The following LEO1 variants were observed in gnomAD, a reference collection of about 807,000 sequenced individuals.
LEO1 encodes RNA polymerase-associated protein LEO1.
A neutral mutation model predicts 80.4 loss-of-function variants in LEO1; 34 were observed. That is an observed-to-expected ratio of 0.42 (90% CI 0.32 to 0.56). The LOEUF is 0.56. Among genes scored for constraint, LEO1 ranks in the 20% least tolerant of loss-of-function variants. LEO1 has a pLI of 0.10. For missense variants in LEO1, 631 were observed against 814.2 expected (o/e 0.77, Z 2.74); for synonymous variants, 262 against 274.9 (o/e 0.95, Z 0.46).
At chr15:51,944,406 C>CT (rs1426451141) in intron 11 of LEO1, among the ~76,000 whole-genome samples, 4 of 152,012 alleles carry the variant, frequency 2.6e-5, no homozygotes, top group African/African-American at 9.7e-5. Flanking sequence ...TGCACAACCA[C>CT]TGAAAATGTT....
rs200556754 is a variant in LEO1, at chr15:51,965,808, T to C, written c.755A>G (p.Gln252Arg). The change falls in exon 2 of 12, where the codon CAG (glutamine) becomes CGG (arginine). Residue 252 changes from glutamine to arginine, a missense_variant. Gln to Arg is a conservative substitution (Grantham distance 43). This residue lies in a region of LEO1 where 394 missense variants were observed against 395.6 expected (regional missense o/e 1.00). Coordinates refer to ENST00000299601, the MANE Select transcript of LEO1 (RefSeq NM_138792.4). ...ATGCCTGTGTTCTTCATCTGAGGCC[T>C]GTGGCCTTTCATCATCAGAATTTTG... ...KMQNSDDERP[Q>R]ASDEEHRHSD... 57 of 1,613,854 alleles carry C rather than the reference T, an allele frequency of 3.5e-5. No individual in the cohort carries two copies. Among genetic ancestry groups the C allele is most frequent in the Non-Finnish European group, 8.5e-7 (1 of 1,179,942 alleles).
At chr15:51,948,288 G>A (rs1292445227) in intron 10 of LEO1, among the ~76,000 whole-genome samples, 3 of 152,212 alleles carry the variant, frequency 2.0e-5, no homozygotes, top group African/African-American at 7.2e-5. Flanking sequence ...CTAGACTCAT[G>A]TGCTAGATTT....
Position 51,965,769 on chromosome 15 carries a change from T to C in LEO1, c.794A>G (p.Glu265Gly). The C allele has an allele frequency of 6.2e-7, 1 of 1,609,456 alleles. No homozygotes were observed. Reference sequence around the variant, plus strand: ...ATTACCTGATTTATGATCCTGTTCCTCTTCATCATCTGAATGCCTGTGTTC... The same window carrying C: ...ATTACCTGATTTATGATCCTGTTCCCCTTCATCATCTGAATGCCTGTGTTC... ...DEEHRHSDDE[E>G]EQDHKSESAR... is the part of the protein sequence containing the mutation. The change falls in exon 2 of 12, where the codon GAG becomes GGG. Residue 265 changes from glutamate to glycine, a missense_variant. Transcript: ENST00000299601.
intron 2 of LEO1, among the ~76,000 whole-genome samples, chr15:51,963,298 C>G (rs2057046042): frequency 6.6e-6 from 1 of 151,528 alleles, no homozygotes; most frequent in Admixed American, 6.6e-5. Context: ...ACTGGCTTTG[C>G]AAGTACAAAA....
intron 1 of LEO1, among the ~76,000 whole-genome samples, chr15:51,971,244 C>A (rs773050412): frequency 3.3e-5 from 5 of 152,216 alleles, no homozygotes; most frequent in Non-Finnish European, 5.9e-5. Context: ...TCACACCATG[C>A]TCTGGTTTCA....
At chr15:51,941,948 C>T (rs1253911995) in intron 11 of LEO1, among the ~76,000 whole-genome samples, 4 of 152,224 alleles carry the variant, frequency 2.6e-5, no homozygotes, top group African/African-American at 4.8e-5. Context: ...GCACCAAAAT[C>T]GATGCAGTTC....
rs2056955245 is a variant in LEO1, at chr15:51,952,227, T to A, written c.1476-248A>T. The A allele has an allele frequency of 1.1e-5, 4 of 348,802 alleles. No individual in the cohort carries two copies. The East Asian group carries it at 2.0e-4, about 17-fold the overall frequency. 21.6% of individuals were successfully genotyped at this position (348,802 alleles called of 1,614,324 possible). ...GAGTAAAAAAGATTGTATGGCATGATCACCTTCTAGAAGCAATAAATGGAT... is the reference window on the plus strand; with the variant it reads ...GAGTAAAAAAGATTGTATGGCATGAACACCTTCTAGAAGCAATAAATGGAT... On this transcript the variant is annotated intron_variant, in intron 8 of 11. Transcript: ENST00000299601.
chr15:51,943,873 A>C (rs1421165029), intron 11 of LEO1, among the ~76,000 whole-genome samples: 1 of 152,108 alleles, frequency 6.6e-6, no homozygotes, highest in African/African-American at 2.4e-5. Context: ...GTAGATTTGA[A>C]CTAGGATCAG....
At position 51,967,388 on chromosome 15, in the gene LEO1, G is replaced by A. The variant is rs548002020; in HGVS notation, c.59-884C>T. Among the ~76,000 whole-genome samples, 7 of 152,304 alleles carry A rather than the reference G, an allele frequency of 4.6e-5. No homozygotes were observed. The South Asian group carries it at 6.2e-4, about 14-fold the overall frequency. ...CTTGAGAGGCTGAAACAGGAAAATC[G>A]CTTGGATCCAGGAGGTGGAGGTTGC... On this transcript the variant is annotated intron_variant, in intron 1 of 11. Coordinates refer to ENST00000299601, the MANE Select transcript of LEO1 (RefSeq NM_138792.4).
chr15:51,964,317 G>A (rs939225184), intron 2 of LEO1, among the ~76,000 whole-genome samples: 10 of 151,878 alleles, frequency 6.6e-5, no homozygotes, highest in Non-Finnish European at 1.3e-4. Context: ...ACCAAACACC[G>A]CATGTTCTCA....
At chr15:51,969,105 CGCCACCACACCTG>C (rs2057101835) in intron 1 of LEO1, among the ~76,000 whole-genome samples, 1 of 151,880 alleles carries the variant, frequency 6.6e-6, no homozygotes, top group African/African-American at 2.4e-5. Flanking sequence ...TATGGGCGCA[CGCCACCACACCTG>C]GCTAATTTTT....
chr15:51,947,323 A>G lies in LEO1; in HGVS notation c.1865T>C (p.Leu622Ser), dbSNP rs2056910518. ...EGSEEDKAQR[L>S]LKAKKLTSDE... The stretch of plus-strand genomic sequence containing the variant: ...ACTGGTAAGTTTCTTTGCTTTGAGT[A>G]ATCTTTGAGCTTTATCTTCTTCTGA... Residue 622 changes from leucine to serine, a missense_variant, in exon 11 of 12, where the codon TTA becomes TCA. Transcript: ENST00000299601. 1 of 1,613,466 alleles carries G rather than the reference A, an allele frequency of 6.2e-7. No individual in the cohort carries two copies. Among genetic ancestry groups the G allele is most frequent in the South Asian group, 1.1e-5 (1 of 91,076 alleles).
At chr15:51,947,437 A>C (rs377172544) in intron 10 of LEO1, 48 bp from the exon 11 acceptor site, 8 of 1,357,180 alleles carry the variant, frequency 5.9e-6, no homozygotes, top group Admixed American at 3.5e-5. Context: ...TTTTTCTGAG[A>C]CAGGGTCTTG....
At chr15:51,942,397 A>G (rs544444810) in intron 11 of LEO1, among the ~76,000 whole-genome samples, 5 of 151,874 alleles carry the variant, frequency 3.3e-5, no homozygotes, top group East Asian at 1.9e-4. Context: ...AGCCTAGAAG[A>G]AGGCTATCTG....
At chr15:51,965,218 T>A (rs2057065341) in intron 2 of LEO1, among the ~76,000 whole-genome samples, 1 of 152,250 alleles carries the variant, frequency 6.6e-6, no homozygotes, top group African/African-American at 2.4e-5. Context: ...AATTCAATTT[T>A]ATACATTAAT....
chr15:51,969,838 TAA>T (rs58342384), intron 1 of LEO1, among the ~76,000 whole-genome samples: 1,969 of 90,010 alleles, frequency 0.022, 51 homozygotes, highest in Admixed American at 0.088. Flanking sequence ...GAGACTCCGT[TAA>T]AAAAAAAAAA....
At chr15:51,957,029 C>T (rs922469872) in intron 6 of LEO1, among the ~76,000 whole-genome samples, 1 of 152,044 alleles carries the variant, frequency 6.6e-6, no homozygotes, top group Non-Finnish European at 1.5e-5. Flanking sequence ...AGGTCTTGCT[C>T]TGTTGCTCAG....
In LEO1 at chr15:51,954,994, T is replaced by C. The variant is rs573652285; in HGVS notation, c.1246-419A>G. The C allele has an allele frequency of 2.5e-4, 38 of 154,462 alleles. 1 individual carries two copies. The highest frequency in any genetic ancestry group is 8.8e-4 in the African/African-American group (36 of 40,714). 9.6% of individuals were successfully genotyped at this position (154,462 alleles called of 1,614,324 possible). A position where few individuals can be genotyped will look rare whatever the true frequency, so the allele number is the denominator to read the frequency against. On this transcript the variant is annotated intron_variant, in intron 6 of 11. Transcript: ENST00000299601. ...CTCTGTCGTCCAGGCTGGAGTGCAG[T>C]GGCGCAGTCTTGGCTCACTGCAAGC... is the stretch of plus-strand genomic sequence containing the variant.
chr15:51,940,892 G>GT (rs2056845940), intron 11 of LEO1, among the ~76,000 whole-genome samples: 1 of 152,142 alleles, frequency 6.6e-6, no homozygotes, highest in Non-Finnish European at 1.5e-5. Context: ...GAGGTCAGGA[G>GT]TTAGAGACCT....
Sources: allele counts gnomAD v4.1 joint callset (sites outside exome capture counted in the v4.1 genomes callset), GRCh38; gene constraint gnomAD v4.1.1; regional missense constraint gnomAD v4.1.1; transcripts MANE v1.5; gene names NCBI Gene and HGNC (gene_info 2026-07-23, HGNC 2026-07-21).